The following POLG2 variants were observed in gnomAD, a reference collection of about 807,000 sequenced individuals.
The protein encoded by POLG2 is DNA polymerase subunit gamma-2.
POLG2 carries 50 observed loss-of-function variants against 56.5 expected under a neutral mutation model. That is an observed-to-expected ratio of 0.88 (90% CI 0.71 to 1.12). The LOEUF (loss-of-function observed/expected upper bound fraction) is 1.12, where lower values mean the gene tolerates loss of function less well. Among genes scored for constraint, POLG2 ranks in the 50% most tolerant of loss-of-function variants. POLG2 has a pLI of 0.00. For missense variants in POLG2, 584 were observed against 583.3 expected (o/e 1.00, Z -0.01); for synonymous variants, 226 against 222.6 (o/e 1.02, Z -0.14).
At chr17:64,494,749 T>A (rs1252551836) in intron 1 of POLG2, among the ~76,000 whole-genome samples, 1 of 152,164 alleles carries the variant, frequency 6.6e-6, no homozygotes, top group Non-Finnish European at 1.5e-5. Context: ...GTGACCTTTT[T>A]ATATGACCCA....
At chr17:64,480,488 T>G in intron 6 of POLG2, 99 bp from the exon 7 acceptor site, 2 of 579,172 alleles carry the variant, frequency 3.5e-6, no homozygotes, top group Non-Finnish European at 3.3e-6. Flanking sequence ...CTTCAATCTC[T>G]AAAATGGGTA....
At position 64,496,525 on chromosome 17, in the gene POLG2, AACTAACCT is replaced by A. The variant is rs1568093430; in HGVS notation, c.436_443del (p.Arg146PhefsTer16). The A allele has an allele frequency of 5.0e-6, 8 of 1,613,524 alleles. No individual in the cohort carries two copies. Among genetic ancestry groups the A allele is most frequent in the Non-Finnish European group, 6.8e-6 (8 of 1,179,666 alleles). On this transcript the variant is annotated frameshift_variant, in exon 1 of 8. Transcript: ENST00000539111. LOFTEE classifies it high-confidence loss of function. ...AGATTTCGCGTAGAGTTTCTGCAGA[AACTAACCT>A]GAAGGCACTGTCCCCGGGTAGCAAA...
At chr17:64,478,009 C>A (rs1555665834) in intron 7 of POLG2, 21 bp from the exon 8 acceptor site, 2 of 1,610,648 alleles carry the variant, frequency 1.2e-6, no homozygotes, top group Non-Finnish European at 1.7e-6. Flanking sequence ...AGTAGTTAAA[C>A]AGACACATGA....
chr17:64,488,828 C>T (rs550840777), intron 4 of POLG2, among the ~76,000 whole-genome samples: 53 of 152,034 alleles, frequency 3.5e-4, no homozygotes, highest in Non-Finnish European at 6.0e-4. Flanking sequence ...ATTAACCGGG[C>T]GTGGTGGCGC....
rs1555667384 is a variant in POLG2, at chr17:64,485,884, G to C, written c.970-16C>G. On this transcript the variant is annotated splice_polypyrimidine_tract_variant and intron_variant, in intron 4 of 7. Transcript: ENST00000539111. ...CATCTCGGCCCTTCACAGAAAAACA[G>C]AAGAAAAATAATCATTTCACAGAAC... is the stretch of plus-strand genomic sequence containing the variant. The C allele has an allele frequency of 6.2e-7, 1 of 1,613,502 alleles. No individual in the cohort carries two copies. Among genetic ancestry groups the C allele is most frequent in the East Asian group, 2.2e-5 (1 of 44,884 alleles).
intron 1 of POLG2, among the ~76,000 whole-genome samples, chr17:64,495,153 G>A (rs1232797651): frequency 7.2e-6 from 1 of 138,598 alleles, no homozygotes; most frequent in Non-Finnish European, 1.5e-5. Context: ...ACTCCAGCCT[G>A]GGCGGCAGAG....
intron 6 of POLG2, chr17:64,481,251 G>A (rs2037851127): frequency 2.0e-6 from 2 of 984,576 alleles, no homozygotes; most frequent in South Asian, 9.4e-5. Flanking sequence ...CATACCCTGG[G>A]AGAAAATGTG....
In POLG2 at chr17:64,485,830, G is replaced by C. The variant is rs1475256984; in HGVS notation, c.1008C>G (p.Leu336=). ...DGRKNVVPCV[L]SVNGDLDRGM... is the part of the protein sequence containing the mutation. Reference sequence around the variant, plus strand: ...CTCGGTCTAGGTCCCCATTTACAGAGAGAACACAAGGAACCACATTTTTTC... The same window carrying C: ...CTCGGTCTAGGTCCCCATTTACAGACAGAACACAAGGAACCACATTTTTTC... Residue 336 remains leucine (L), a synonymous_variant, in exon 5 of 8, where the codon CTC becomes CTG. Coordinates refer to ENST00000539111, the MANE Select transcript of POLG2 (RefSeq NM_007215.4). The C allele has an allele frequency of 1.2e-6, 2 of 1,613,826 alleles. No homozygotes were observed. The highest frequency in any genetic ancestry group is 1.7e-6 in the Non-Finnish European group (2 of 1,179,670).
chr17:64,496,810 G>A lies in POLG2; in HGVS notation c.159C>T (p.Asn53=). 1.2e-6 allele frequency: 2 copies of A among 1,613,736 alleles called. No individual in the cohort carries two copies. Among genetic ancestry groups the A allele is most frequent in the Non-Finnish European group, 8.5e-7 (1 of 1,180,024 alleles). ...HVKSHAELEG[N]GEHPEAPGSG... ...ACCCGGGGGCTTCTGGGTGCTCGCCGTTCCCCTCGAGCTCCGCGTGCGACT... is the reference window on the plus strand; with the variant it reads ...ACCCGGGGGCTTCTGGGTGCTCGCCATTCCCCTCGAGCTCCGCGTGCGACT... Residue 53 remains asparagine, a synonymous_variant, in exon 1 of 8, where the codon AAC becomes AAT. Transcript: ENST00000539111.
rs782336056 is a variant in POLG2 at position 64,496,396 on chromosome 17, G to A, written c.562+11C>T. On this transcript the variant is annotated intron_variant, in intron 1 of 7. Transcript: ENST00000539111. ...GACACCTGTTTTGAAGCATGAAATC[G>A]TGAAGCATACCGTGAAGAAGGTTCT... The A allele has an allele frequency of 6.4e-5, 99 of 1,541,852 alleles. No homozygotes were observed. Among genetic ancestry groups the A allele is most frequent in the Middle Eastern group, 5.2e-4 (3 of 5,798 alleles).
Position 64,490,827 on chromosome 17 carries a change from T to C in POLG2, c.938A>G (p.His313Arg), listed in dbSNP as rs538593678. ...TTTAGACACATTGCCAGGATACATGTGTAAAAGTTCGTGATCTCCTAGGTT... is the reference window on the plus strand; with the variant it reads ...TTTAGACACATTGCCAGGATACATGCGTAAAAGTTCGTGATCTCCTAGGTT... ...LWNLGDHELL[H>R]MYPGNVSKLH... is the part of the protein sequence containing the mutation. The change falls in exon 4 of 8, where the codon CAC becomes CGC. Residue 313 changes from histidine (H) to arginine (R), a missense_variant. Coordinates refer to ENST00000539111, the MANE Select transcript of POLG2 (RefSeq NM_007215.4). 2 of 1,613,600 alleles carry C rather than the reference T, an allele frequency of 1.2e-6. No individual in the cohort carries two copies. The highest frequency in any genetic ancestry group is 1.7e-6 in the Non-Finnish European group (2 of 1,179,516).
intron 1 of POLG2, among the ~76,000 whole-genome samples, chr17:64,493,538 G>A (rs1349610553): frequency 4.6e-5 from 7 of 152,008 alleles, no homozygotes; most frequent in Admixed American, 4.6e-4. Flanking sequence ...AGGCTGGAGT[G>A]CAGTGGCAGG....
rs2038152861 is a variant in POLG2 at position 64,496,448 on chromosome 17, A to G, written c.521T>C (p.Val174Ala). Residue 174 changes from valine (V) to alanine (A), a missense_variant, in exon 1 of 8, where the codon GTA (valine) becomes GCA (alanine). By Grantham distance (64) the Val-to-Ala change is moderately conservative (BLOSUM62 0). Coordinates refer to ENST00000539111, the MANE Select transcript of POLG2 (RefSeq NM_007215.4). ...KEQLVAFLEN[V>A]LKTSGKLREN... ...CCGTAGTTTCCCAGAAGTTTTTAAT[A>G]CGTTCTCAAGAAATGCTACTAGCTG... The G allele has an allele frequency of 6.3e-7, 1 of 1,590,052 alleles. No homozygotes were observed. Among genetic ancestry groups the G allele is most frequent in the Non-Finnish European group, 8.6e-7 (1 of 1,161,518 alleles).
rs191547950 is a variant in POLG2 at position 64,486,597 on chromosome 17, C to A, written c.970-729G>T. On this transcript the variant is annotated intron_variant, in intron 4 of 7. Transcript: ENST00000539111. ...CAGGTTGTTCTCAAACTCCTCACCT[C>A]AGGTGATCAGCCCACCTCAGCCTCC... Among the ~76,000 whole-genome samples the A allele has an allele frequency of 7.9e-4, 121 of 152,222 alleles. 3 individuals are homozygous for A. In the East Asian group the frequency reaches 0.021, roughly 26 times the overall value.
chr17:64,490,836 T>A lies in POLG2; in HGVS notation c.929A>T (p.Glu310Val). ...IETLWNLGDH[E>V]LLHMYPGNVS... The stretch of plus-strand genomic sequence containing the variant: ...ATTGCCAGGATACATGTGTAAAAGT[T>A]CGTGATCTCCTAGGTTCCACAGGGT... Residue 310 changes from glutamate (E) to valine (V), a missense_variant, in exon 4 of 8, where the codon GAA becomes GTA. Physicochemically the swap from Glu to Val is moderately radical, Grantham distance 121. Coordinates refer to ENST00000539111, the MANE Select transcript of POLG2 (RefSeq NM_007215.4). The A allele has an allele frequency of 6.2e-7, 1 of 1,613,740 alleles. No homozygotes were observed. Among genetic ancestry groups the A allele is most frequent in the Non-Finnish European group, 8.5e-7 (1 of 1,179,634 alleles).
At chr17:64,486,515 CCAT>C (rs1276316433) in intron 4 of POLG2, among the ~76,000 whole-genome samples, 2 of 152,068 alleles carry the variant, frequency 1.3e-5, no homozygotes, top group Admixed American at 1.3e-4. Flanking sequence ...GCACACACCA[CCAT>C]GTCTGGCTAA....
chr17:64,482,536 T>C (rs534181339), intron 6 of POLG2, among the ~76,000 whole-genome samples: 151 of 152,270 alleles, frequency 9.9e-4, no homozygotes, highest in African/African-American at 3.5e-3. Flanking sequence ...GCCAGGATGG[T>C]CTCGATCTCT....
At chr17:64,489,352 G>GTT (rs59334309) in intron 4 of POLG2, among the ~76,000 whole-genome samples, 96 of 133,574 alleles carry the variant, frequency 7.2e-4, no homozygotes, top group African/African-American at 2.0e-3. Flanking sequence ...GATGGAATTT[G>GTT]TTTTTTTTTA....
At chr17:64,486,891 GACTT>G (rs1213043543) in intron 4 of POLG2, 2 of 152,136 alleles carry the variant, frequency 1.3e-5, no homozygotes, top group Non-Finnish European at 2.9e-5. Context: ...TTGATAAACA[GACTT>G]ACTTCTTCTC....
Sources: gnomAD v4.1 joint callset for allele counts (sites outside exome capture counted in the v4.1 genomes callset) on GRCh38, gnomAD v4.1.1 for gene constraint, MANE v1.5 for transcripts, NCBI Gene and HGNC (gene_info 2026-07-23, HGNC 2026-07-21) for gene names.